IL1RAPL1: variants seen among roughly 807,000 people sequenced by gnomAD.
IL1RAPL1 encodes interleukin 1 receptor accessory protein like 1.
A neutral mutation model predicts 48.4 loss-of-function variants in IL1RAPL1; 3 were observed. The ratio of observed to expected loss-of-function variants is 0.06; its 90% CI spans 0.03 to 0.16. IL1RAPL1 has a LOEUF of 0.16. Among genes scored for constraint, IL1RAPL1 ranks in the 10% least tolerant of loss-of-function variants. IL1RAPL1 has a pLI of 1.00. For synonymous variants in IL1RAPL1, 185 were observed against 187.7 expected (o/e 0.99, Z 0.12); for missense variants, 349 against 530.6 (o/e 0.66, Z 3.36).
intron 2 of IL1RAPL1, among the ~76,000 whole-genome samples, chrX:28,790,132 C>G (rs1936519316): frequency 8.9e-6 from 1 of 111,928 alleles, no homozygotes; most frequent in South Asian, 3.7e-4. Flanking sequence ...AAAGCCTTGC[C>G]ATGCTCACAC....
intron 2 of IL1RAPL1, among the ~76,000 whole-genome samples, chrX:29,102,058 G>A (rs1166858701): frequency 9.0e-6 from 1 of 111,291 alleles, no homozygotes; most frequent in African/African-American, 3.3e-5. Context: ...CCGAATGAAG[G>A]AAAAAAACAT....
chrX:29,872,201 A>G (rs1380515526), intron 6 of IL1RAPL1, among the ~76,000 whole-genome samples: 1 of 111,923 alleles, frequency 8.9e-6, no homozygotes, highest in Non-Finnish European at 1.9e-5. Context: ...TTGCAGATTA[A>G]CAGGTTATCC....
intron 5 of IL1RAPL1, among the ~76,000 whole-genome samples, chrX:29,448,700 A>G (rs894493232): frequency 8.9e-6 from 1 of 112,086 alleles, no homozygotes; most frequent in African/African-American, 3.2e-5. Context: ...ATATAGTAGT[A>G]TAGAACTTGT....
chrX:28,612,537 C>A (rs932297844), intron 1 of IL1RAPL1, among the ~76,000 whole-genome samples: 39 of 112,082 alleles, frequency 3.5e-4, no homozygotes, highest in African/African-American at 1.1e-3. Context: ...CAGAGTAGCA[C>A]CCCCTAAAGG....
At chrX:29,228,371 G>GTGTGTGTGTGTC (rs1931128361) in intron 2 of IL1RAPL1, among the ~76,000 whole-genome samples, 1 of 103,957 alleles carries the variant, frequency 9.6e-6, no homozygotes, top group Non-Finnish European at 2.0e-5. Flanking sequence ...GTGTGTGTGT[G>GTGTGTGTGTGTC]TGAGACAGAG....
chrX:28,979,107 G>T (rs1387314603), intron 2 of IL1RAPL1, among the ~76,000 whole-genome samples: 1 of 111,813 alleles, frequency 8.9e-6, no homozygotes, highest in Non-Finnish European at 1.9e-5. Context: ...AAAAAGTTCA[G>T]TGAATTACTA....
intron 2 of IL1RAPL1, among the ~76,000 whole-genome samples, chrX:29,208,165 T>C (rs969090286): frequency 9.9e-5 from 11 of 111,640 alleles, no homozygotes; most frequent in African/African-American, 3.6e-4. Flanking sequence ...ATTAGAAATC[T>C]TGTGTCCCAA....
At chrX:28,634,258 T>C (rs1329811042) in intron 1 of IL1RAPL1, among the ~76,000 whole-genome samples, 1 of 109,910 alleles carries the variant, frequency 9.1e-6, no homozygotes, top group Non-Finnish European at 1.9e-5. Context: ...TGCCTAGGCC[T>C]CTTAACATGC....
chrX:28,678,225 C>T (rs745407748), intron 1 of IL1RAPL1, among the ~76,000 whole-genome samples: 32 of 111,316 alleles, frequency 2.9e-4, no homozygotes, highest in Non-Finnish European at 4.9e-4. Flanking sequence ...TGTTTTATTC[C>T]GATGGCTATC....
At chrX:28,793,287 T>C (rs1325547233) in intron 2 of IL1RAPL1, among the ~76,000 whole-genome samples, 1 of 110,702 alleles carries the variant, frequency 9.0e-6, no homozygotes, top group Non-Finnish European at 1.9e-5. Context: ...AATCTTTGTA[T>C]CTCAACCAGT....
At chrX:29,367,251 C>T (rs921858800) in intron 3 of IL1RAPL1, among the ~76,000 whole-genome samples, 16 of 112,045 alleles carry the variant, frequency 1.4e-4, no homozygotes, top group African/African-American at 5.2e-4. Context: ...TACCTTTTCT[C>T]TCTCTTAATT....
At chrX:28,799,804 G>A (rs1011278555) in intron 2 of IL1RAPL1, among the ~76,000 whole-genome samples, 2 of 111,837 alleles carry the variant, frequency 1.8e-5, no homozygotes, top group African/African-American at 3.3e-5. Flanking sequence ...GAAATAATTC[G>A]AGGAGAGGTT....
chrX:29,757,135 T>G (rs1304642641), intron 6 of IL1RAPL1, among the ~76,000 whole-genome samples: 3 of 112,238 alleles, frequency 2.7e-5, no homozygotes, highest in Non-Finnish European at 5.6e-5. Flanking sequence ...GCCACTTAGT[T>G]TGTGGTTCTT....
intron 6 of IL1RAPL1, among the ~76,000 whole-genome samples, chrX:29,785,216 A>G (rs1314324650): frequency 8.9e-6 from 1 of 112,217 alleles, no homozygotes; most frequent in African/African-American, 3.2e-5. Context: ...CCAAATGAGG[A>G]TATAAGAATA....
intron 6 of IL1RAPL1, among the ~76,000 whole-genome samples, chrX:29,834,939 A>T (rs1461443214): frequency 8.9e-6 from 1 of 112,127 alleles, no homozygotes. Context: ...AGTGGCAAAC[A>T]TAATAACACA....
At chrX:29,386,397 A>T (rs1226653120) in intron 3 of IL1RAPL1, among the ~76,000 whole-genome samples, 1 of 111,239 alleles carries the variant, frequency 9.0e-6, no homozygotes, top group Non-Finnish European at 1.9e-5. Flanking sequence ...AGCTTTCTAT[A>T]CAATATTTCT....
intron 1 of IL1RAPL1, among the ~76,000 whole-genome samples, chrX:28,678,260 G>A (rs948801068): frequency 5.4e-5 from 6 of 111,153 alleles, no homozygotes; most frequent in African/African-American, 1.3e-4. Context: ...TGGAAGATCC[G>A]GTTTGCATCA....
intron 6 of IL1RAPL1, among the ~76,000 whole-genome samples, chrX:29,829,715 A>G (rs187206650): frequency 8.0e-4 from 89 of 111,856 alleles, no homozygotes; most frequent in Middle Eastern, 4.7e-3. Flanking sequence ...ATAAGATAAT[A>G]TACAGAAAAA....
chrX:29,884,616 ATAT>A (rs1157006295), intron 6 of IL1RAPL1, among the ~76,000 whole-genome samples: 2 of 110,954 alleles, frequency 1.8e-5, no homozygotes, highest in African/African-American at 6.6e-5. Flanking sequence ...TCCTTAATGT[ATAT>A]ACTCTGCCCT....
Sources: gnomAD v4.1 joint callset for allele counts (sites outside exome capture counted in the v4.1 genomes callset) on GRCh38, gnomAD v4.1.1 for gene constraint, MANE v1.5 for transcripts, NCBI Gene and HGNC (gene_info 2026-07-23, HGNC 2026-07-21) for gene names.